The following RB1 variants were observed in gnomAD, a reference collection of about 807,000 sequenced individuals.
RB1 encodes retinoblastoma-associated protein.
RB1 carries 18 observed loss-of-function variants against 135.4 expected under a neutral mutation model. The ratio of observed to expected loss-of-function variants is 0.13; its 90% CI spans 0.09 to 0.20. The LOEUF (loss-of-function observed/expected upper bound fraction) is 0.20. RB1 is among the 10% of genes least tolerant of loss of function. The pLI is 1.00. For synonymous variants in RB1, 365 were observed against 373.2 expected (o/e 0.98, Z 0.25); for missense variants, 868 against 1,110.0 (o/e 0.78, Z 3.10).
chr13:48,347,607 T>G (rs1228493416), intron 4 of RB1, among the ~76,000 whole-genome samples: 1 of 152,102 alleles, frequency 6.6e-6, no homozygotes, highest in South Asian at 2.1e-4. Context: ...TACCTTTTTT[T>G]TGAAGACTAA....
rs200131385 is a variant in RB1, at chr13:48,380,100, T to C, written c.1421+16T>C. On this transcript the variant is annotated intron_variant, in intron 15 of 26. Transcript: ENST00000267163. ...AAAATTTTAGGTAAATTTTTTACTT[T>C]TAGTAAAAAATTTTTTTCTTTTTAT... 6.6e-4 allele frequency: 939 copies of C among 1,431,694 alleles called. 5 individuals carry two copies. Among genetic ancestry groups the C allele is most frequent in the Non-Finnish European group, 4.2e-5 (45 of 1,064,592 alleles). The allele number at this position is 1,431,694 out of a possible 1,614,324, so 88.7% of individuals were successfully genotyped here.
Position 48,376,925 on chromosome 13 carries a change from C to T in RB1, c.1223C>T (p.Thr408Ile), listed in dbSNP as rs1462238834. Reference protein sequence around the residue: ...ENLISYFNNCTVNPKESILKR... With the variant: ...ENLISYFNNCIVNPKESILKR... Reference sequence around the variant, plus strand: ...TGTTTTTACCTCCTAAAGAACTGCACAGTGAATCCAAAAGAAAGTATACTG... The same window carrying T: ...TGTTTTTACCTCCTAAAGAACTGCATAGTGAATCCAAAAGAAAGTATACTG... Residue 408 changes from threonine (T) to isoleucine (I), a missense_variant, in exon 13 of 27, where the codon ACA (threonine) becomes ATA (isoleucine). Thr to Ile is a moderately conservative substitution (Grantham distance 89, BLOSUM62 -1). This residue lies in a region of RB1 where 641 missense variants were observed against 791.3 expected (regional missense o/e 0.81). Transcript: ENST00000267163. 3.1e-6 allele frequency: 5 copies of T among 1,613,422 alleles called. No homozygotes were observed. The highest frequency in any genetic ancestry group is 4.2e-6 in the Non-Finnish European group (5 of 1,179,798).
At chr13:48,328,121 A>G in intron 2 of RB1, 1 of 1,023,302 alleles carries the variant, frequency 9.8e-7, no homozygotes, top group Non-Finnish European at 1.6e-6. Flanking sequence ...GAGATTTTAT[A>G]TTCCACTCCC....
At chr13:48,415,926 A>G (rs1199022953) in intron 17 of RB1, 2 of 152,254 alleles carry the variant, frequency 1.3e-5, no homozygotes, top group African/African-American at 4.8e-5. Context: ...TTAGGTTAGA[A>G]TTGGAAAAAT....
intron 17 of RB1, among the ~76,000 whole-genome samples, chr13:48,390,889 G>C (rs1948606174): frequency 1.3e-5 from 2 of 152,160 alleles, no homozygotes; most frequent in South Asian, 2.1e-4. Flanking sequence ...GCATATTGTT[G>C]GGTGTTGCTT....
chr13:48,471,573 T>TTAAAAAAAAAAA (rs71072103), intron 23 of RB1, among the ~76,000 whole-genome samples: 6 of 133,964 alleles, frequency 4.5e-5, no homozygotes, highest in Non-Finnish European at 9.4e-5. Flanking sequence ...AAAATATAAA[T>TTAAAAAAAAAAA]AAAAAAAAAA....
At chr13:48,459,940 T>TC (rs1949390445) in intron 20 of RB1, 107 bp downstream of exon 20, 1 of 480,634 alleles carries the variant, frequency 2.1e-6, no homozygotes, top group Admixed American at 5.0e-5. Flanking sequence ...TTTCTTTCTT[T>TC]CTTTCTTTCT....
Position 48,481,542 on chromosome 13 carries a change from TAA to T in RB1, c.*1472_*1473del, listed in dbSNP as rs1949538215. ...AACAAAATTTTATTTTGTGCTCATTTAAGTTTCAAACTTACTATTTTGACAGT... is the reference window on the plus strand; with the variant it reads ...AACAAAATTTTATTTTGTGCTCATTTGTTTCAAACTTACTATTTTGACAGT... On this transcript the variant is annotated 3_prime_UTR_variant, in exon 27 of 27. Transcript: ENST00000267163. 8.7e-6 allele frequency: 2 copies of T among 230,922 alleles called. No homozygotes were observed. Among genetic ancestry groups the T allele is most frequent in the Admixed American group, 5.6e-5 (1 of 17,708 alleles). 14.3% of individuals were successfully genotyped at this position (230,922 alleles called of 1,614,324 possible).
intron 12 of RB1, among the ~76,000 whole-genome samples, chr13:48,374,956 C>T (rs1230277674): frequency 6.6e-6 from 1 of 152,100 alleles, no homozygotes; most frequent in African/African-American, 2.4e-5. Flanking sequence ...TTAGTGAGAA[C>T]ATGCAGTATT....
At chr13:48,412,458 C>T (rs1400072345) in intron 17 of RB1, 1 of 1,371,534 alleles carries the variant, frequency 7.3e-7, no homozygotes, top group East Asian at 2.3e-5. Context: ...TTTGGAAGCA[C>T]TTTCATCAGC....
At chr13:48,335,060 T>C (rs1222410250) in intron 2 of RB1, among the ~76,000 whole-genome samples, 3 of 152,174 alleles carry the variant, frequency 2.0e-5, no homozygotes, top group Admixed American at 2.0e-4. Context: ...AATCCTACCA[T>C]GTAGAGATAA....
rs144492680 is a variant in RB1, at chr13:48,338,807, T to G, written c.265-3792T>G. Among the ~76,000 whole-genome samples, 993 of 152,316 alleles carry G rather than the reference T, an allele frequency of 6.5e-3. 14 individuals are homozygous for G. Among genetic ancestry groups the G allele is most frequent in the African/African-American group, 0.023 (946 of 41,578 alleles). Reference sequence around the variant, plus strand: ...GCTGTTTTTTCCCCATCTTTGTGGTTTTATCTACCTTTGGTCTTTGATGAT... The same window carrying G: ...GCTGTTTTTTCCCCATCTTTGTGGTGTTATCTACCTTTGGTCTTTGATGAT... On this transcript the variant is annotated intron_variant, in intron 2 of 26. Coordinates refer to ENST00000267163, the MANE Select transcript of RB1 (RefSeq NM_000321.3).
intron 17 of RB1, among the ~76,000 whole-genome samples, chr13:48,451,988 T>G (rs1949330563): frequency 1.3e-5 from 2 of 152,098 alleles, no homozygotes; most frequent in South Asian, 4.1e-4. Context: ...TTGCGTTTAT[T>G]CCATTCTTCT....
intron 23 of RB1, among the ~76,000 whole-genome samples, chr13:48,467,240 T>C (rs1310703951): frequency 2.7e-4 from 33 of 123,026 alleles, no homozygotes; most frequent in African/African-American, 9.6e-4. Flanking sequence ...CAGAAGAGAG[T>C]GGGGGCCAAT....
intron 17 of RB1, among the ~76,000 whole-genome samples, chr13:48,424,910 C>A (rs1949058202): frequency 6.6e-6 from 1 of 151,842 alleles, no homozygotes; most frequent in Non-Finnish European, 1.5e-5. Flanking sequence ...AAATGTTATC[C>A]AGGTGTGGTG....
At chr13:48,418,420 C>A (rs1257913414) in intron 17 of RB1, among the ~76,000 whole-genome samples, 1 of 152,100 alleles carries the variant, frequency 6.6e-6, no homozygotes, top group East Asian at 1.9e-4. Flanking sequence ...CCAGCCACTG[C>A]AAAAACATAC....
At chr13:48,378,063 G>T (rs145608497) in intron 13 of RB1, among the ~76,000 whole-genome samples, 3 of 152,182 alleles carry the variant, frequency 2.0e-5, no homozygotes, top group African/African-American at 7.2e-5. Context: ...TCAGTGAGTC[G>T]AGTGGCAAGT....
Position 48,389,648 on chromosome 13 carries a change from T to A in RB1, c.1695+8205T>A, listed in dbSNP as rs406098. Reference sequence around the variant, plus strand: ...GGGTTGAACTTGACTGGGTGGTTTGTCTCCGACTATGTGTCAGCAGGTGCC... The same window carrying A: ...GGGTTGAACTTGACTGGGTGGTTTGACTCCGACTATGTGTCAGCAGGTGCC... On this transcript the variant is annotated intron_variant, in intron 17 of 26. Transcript: ENST00000267163. 393 of 152,138 alleles carry A rather than the reference T, an allele frequency of 2.6e-3. 1 individual carries two copies. Among genetic ancestry groups the A allele is most frequent in the African/African-American group, 9.0e-3 (374 of 41,456 alleles). 9.4% of individuals were successfully genotyped at this position (152,138 alleles called of 1,614,324 possible). A position where few individuals can be genotyped will look rare whatever the true frequency, so the allele number is the denominator to read the frequency against.
At chr13:48,320,341 G>A in intron 2 of RB1, 1 of 1,259,408 alleles carries the variant, frequency 7.9e-7, no homozygotes, top group East Asian at 2.3e-5. Flanking sequence ...CTGCACCCGG[G>A]CGCTCACCGA....
Sources: allele counts gnomAD v4.1 joint callset (sites outside exome capture counted in the v4.1 genomes callset), GRCh38; gene constraint gnomAD v4.1.1; regional missense constraint gnomAD v4.1.1; transcripts MANE v1.5; gene names NCBI Gene and HGNC (gene_info 2026-07-23, HGNC 2026-07-21).